Variants in GPC6 observed in about 807,000 individuals in gnomAD.
GPC6 encodes glypican 6, also known as glypican-6.
A neutral mutation model predicts 55.2 loss-of-function variants in GPC6; 14 were observed. The ratio of observed to expected loss-of-function variants is 0.25; its 90% CI spans 0.17 to 0.40. GPC6 has a LOEUF of 0.40. GPC6 is among the 10% of genes least tolerant of loss of function. The pLI, the probability that GPC6 is intolerant of heterozygous loss-of-function variation, is 1.00. For missense variants in GPC6, 641 were observed against 708.5 expected, an observed-to-expected ratio of 0.90 and a Z score of 1.08; for synonymous variants, 278 against 259.6, an observed-to-expected ratio of 1.07 and a Z score of -0.68.
At chr13:94,011,248 A>G (rs1882234701) in intron 3 of GPC6, among the ~76,000 whole-genome samples, 1 of 152,166 alleles carries the variant, frequency 6.6e-6, no homozygotes, top group African/African-American at 2.4e-5. Context: ...ACTGTAAGTA[A>G]CACTGCTTTC....
At chr13:93,846,162 A>G (rs989690422) in intron 3 of GPC6, among the ~76,000 whole-genome samples, 1 of 152,124 alleles carries the variant, frequency 6.6e-6, no homozygotes. Flanking sequence ...TATAGCAAGC[A>G]CAGGCTTAGA....
chr13:94,114,578 G>C (rs1886367172), intron 4 of GPC6, among the ~76,000 whole-genome samples: 1 of 152,100 alleles, frequency 6.6e-6, no homozygotes, highest in Non-Finnish European at 1.5e-5. Flanking sequence ...TTGTAGGATA[G>C]GTTAGGATAG....
At chr13:93,962,211 GCTGACAGTCCA>G (rs1183911689) in intron 3 of GPC6, among the ~76,000 whole-genome samples, 25 of 152,102 alleles carry the variant, frequency 1.6e-4, no homozygotes, top group African/African-American at 6.0e-4. Flanking sequence ...TAGTAGCAGG[GCTGACAGTCCA>G]ACTTCAGCAA....
At chr13:94,225,871 G>T (rs1890541340) in intron 4 of GPC6, among the ~76,000 whole-genome samples, 2 of 152,042 alleles carry the variant, frequency 1.3e-5, no homozygotes, top group Non-Finnish European at 2.9e-5. Context: ...CCATACATAA[G>T]AATTGGCTGT....
In GPC6 at chr13:94,111,415, G is replaced by C. The variant is rs1197207338; in HGVS notation, c.877+83521G>C. Among the ~76,000 whole-genome samples, 3 of 151,144 alleles carry C rather than the reference G, an allele frequency of 2.0e-5. No individual in the cohort carries two copies. The Admixed American group carries it at 2.0e-4, about 10-fold the overall frequency. ...CGTGCAGCAAACCACCATGGCACAT[G>C]TATTACTATGTAACAAACCTGCACG... On this transcript the variant is annotated intron_variant, in intron 4 of 8. Transcript: ENST00000377047.
intron 3 of GPC6, among the ~76,000 whole-genome samples, chr13:93,872,866 T>C (rs865946936): frequency 2.6e-5 from 4 of 152,124 alleles, no homozygotes; most frequent in Middle Eastern, 3.4e-3. Flanking sequence ...TCTTAATTAC[T>C]TTTTAAAATA....
intron 2 of GPC6, among the ~76,000 whole-genome samples, chr13:93,728,028 G>T (rs1310207541): frequency 6.6e-6 from 1 of 152,024 alleles, no homozygotes; most frequent in Non-Finnish European, 1.5e-5. Flanking sequence ...CCTTGCTGGG[G>T]TATTTTTGGT....
At chr13:94,026,123 A>T (rs1302883298) in intron 3 of GPC6, among the ~76,000 whole-genome samples, 1 of 152,180 alleles carries the variant, frequency 6.6e-6, no homozygotes, top group Non-Finnish European at 1.5e-5. Context: ...TTGGAAAGAA[A>T]ATGCAAAAAA....
At chr13:93,485,145 C>T (rs867754792) in intron 1 of GPC6, among the ~76,000 whole-genome samples, 1 of 152,104 alleles carries the variant, frequency 6.6e-6, no homozygotes, top group Non-Finnish European at 1.5e-5. Context: ...GGAATTAATT[C>T]TTGGACTAAG....
intron 5 of GPC6, among the ~76,000 whole-genome samples, chr13:94,286,708 T>C (rs1057159472): frequency 3.3e-5 from 5 of 152,196 alleles, no homozygotes; most frequent in Non-Finnish European, 7.3e-5. Context: ...GAAGAAATTA[T>C]GGGCTGCCAA....
At chr13:93,841,944 G>A (rs796706500) in intron 3 of GPC6, among the ~76,000 whole-genome samples, 1 of 152,120 alleles carries the variant, frequency 6.6e-6, no homozygotes, top group African/African-American at 2.4e-5. Context: ...CATTAATTAC[G>A]GAAACATTAT....
intron 4 of GPC6, among the ~76,000 whole-genome samples, chr13:94,275,769 C>A (rs1892184212): frequency 6.6e-6 from 1 of 150,724 alleles, no homozygotes; most frequent in Admixed American, 6.6e-5. Context: ...AATAAATAGA[C>A]AAAGAAGAGA....
chr13:93,676,635 G>A (rs768654361), intron 2 of GPC6, among the ~76,000 whole-genome samples: 3 of 152,012 alleles, frequency 2.0e-5, no homozygotes, highest in Admixed American at 6.6e-5. Context: ...GACACTCAAT[G>A]TTGTCAGATC....
chr13:93,983,192 T>C (rs1880880587), intron 3 of GPC6, among the ~76,000 whole-genome samples: 1 of 152,206 alleles, frequency 6.6e-6, no homozygotes, highest in Non-Finnish European at 1.5e-5. Flanking sequence ...GTGCAAGACC[T>C]GAACCTTGAG....
intron 1 of GPC6, among the ~76,000 whole-genome samples, chr13:93,242,595 A>C (rs2104648): frequency 0.57 from 86,661 of 151,906 alleles, 25,325 homozygotes; most frequent in African/African-American, 0.67. Flanking sequence ...CCTCTACGTC[A>C]CTTCATGAGT....
rs532032932 is a variant in GPC6 at position 93,800,081 on chromosome 13, G to A, written c.320-30073G>A. On this transcript the variant is annotated intron_variant, in intron 2 of 8. Transcript: ENST00000377047. ...TTGACCGTGATTGCTGCTACATCAC[G>A]TAATATTGGCTTTATCTTTCAAGTG... is the stretch of plus-strand genomic sequence containing the variant. Among the ~76,000 whole-genome samples, 6 of 152,160 alleles carry A rather than the reference G, an allele frequency of 3.9e-5. No homozygotes were observed. The East Asian group carries it at 9.6e-4, about 24-fold the overall frequency.
intron 4 of GPC6, among the ~76,000 whole-genome samples, chr13:94,280,334 T>A (rs1892340009): frequency 6.6e-6 from 1 of 152,170 alleles, no homozygotes; most frequent in African/African-American, 2.4e-5. Flanking sequence ...CTGGGTAATT[T>A]CTAGTCCTAA....
intron 1 of GPC6, among the ~76,000 whole-genome samples, chr13:93,502,021 G>A (rs1880539117): frequency 6.6e-6 from 1 of 151,974 alleles, no homozygotes; most frequent in South Asian, 2.1e-4. Flanking sequence ...AATATATATT[G>A]GTCTTTTAAA....
At chr13:93,390,877 T>A (rs186657286) in intron 1 of GPC6, among the ~76,000 whole-genome samples, 3 of 152,006 alleles carry the variant, frequency 2.0e-5, no homozygotes, top group Admixed American at 2.0e-4. Flanking sequence ...TCACAGCCAC[T>A]CAGGTCACTG....
Sources: gnomAD v4.1 joint callset for allele counts (sites outside exome capture counted in the v4.1 genomes callset) on GRCh38, gnomAD v4.1.1 for gene constraint, MANE v1.5 for transcripts, NCBI Gene and HGNC (gene_info 2026-07-23, HGNC 2026-07-21) for gene names.